LRRTM4: variants seen among roughly 807,000 people sequenced by gnomAD.
The protein encoded by LRRTM4 is leucine rich repeat transmembrane neuronal 4.
In LRRTM4, 25 loss-of-function variants were observed where a neutral mutation model predicts 47.6. The observed-to-expected ratio is 0.53, with a 90% CI of 0.38 to 0.73. LRRTM4 has a LOEUF of 0.73. Among genes scored for constraint, LRRTM4 ranks in the 30% least tolerant of loss-of-function variants. The probability of loss-of-function intolerance (pLI) is 0.00; values close to 1 mark genes in which losing one functional copy is unlikely to be tolerated. For missense variants in LRRTM4, 638 were observed against 713.4 expected (o/e 0.89, Z 1.20); for synonymous variants, 311 against 269.5 (o/e 1.15, Z -1.51).
Position 76,938,609 on chromosome 2 carries a change from C to T in LRRTM4, c.1552-189693G>A, listed in dbSNP as rs562945863. Reference sequence around the variant, plus strand: ...GTGAACAAAATGAGATACTACATTTCAAGTAATTTTCTTTTCATCATTTTT... The same window carrying T: ...GTGAACAAAATGAGATACTACATTTTAAGTAATTTTCTTTTCATCATTTTT... On this transcript the variant is annotated intron_variant, in intron 3 of 3. Coordinates refer to ENST00000409884, the MANE Select transcript of LRRTM4 (RefSeq NM_001134745.3). 3.9e-5 allele frequency among the ~76,000 whole-genome samples: 6 copies of T among 152,116 alleles called. No homozygotes were observed. The East Asian group carries it at 1.2e-3, about 29-fold the overall frequency.
intron 3 of LRRTM4, among the ~76,000 whole-genome samples, chr2:76,849,124 A>G (rs1671919110): frequency 6.6e-6 from 1 of 152,016 alleles, no homozygotes; most frequent in African/African-American, 2.4e-5. Context: ...TCTGGGTTAA[A>G]TGAGAGCACA....
chr2:77,449,092 A>T (rs1282898175), intron 3 of LRRTM4, among the ~76,000 whole-genome samples: 1 of 152,202 alleles, frequency 6.6e-6, no homozygotes, highest in Non-Finnish European at 1.5e-5. Context: ...CTTTAAGTTT[A>T]TATATCCATT....
At chr2:77,438,544 C>T (rs1044364493) in intron 3 of LRRTM4, among the ~76,000 whole-genome samples, 1 of 151,622 alleles carries the variant, frequency 6.6e-6, no homozygotes, top group Non-Finnish European at 1.5e-5. Flanking sequence ...ATAGCTGGGA[C>T]TACAGGCGCC....
chr2:77,075,104 T>C (rs764812718), intron 3 of LRRTM4, among the ~76,000 whole-genome samples: 1 of 152,204 alleles, frequency 6.6e-6, no homozygotes, highest in African/African-American at 2.4e-5. Context: ...TCATCAATAA[T>C]GCTTTCCTAC....
At chr2:76,826,082 A>T (rs559460463) in intron 3 of LRRTM4, among the ~76,000 whole-genome samples, 1 of 151,770 alleles carries the variant, frequency 6.6e-6, no homozygotes, top group Non-Finnish European at 1.5e-5. Context: ...GACAATGAAA[A>T]ATAAGGAAGG....
At chr2:77,028,370 G>A (rs1401095625) in intron 3 of LRRTM4, among the ~76,000 whole-genome samples, 1 of 152,106 alleles carries the variant, frequency 6.6e-6, no homozygotes, top group African/African-American at 2.4e-5. Flanking sequence ...GGATTTCCAG[G>A]AAAAATGTTG....
chr2:76,762,243 T>C (rs753758957), intron 3 of LRRTM4, among the ~76,000 whole-genome samples: 2 of 152,182 alleles, frequency 1.3e-5, no homozygotes, highest in East Asian at 1.9e-4. Flanking sequence ...AAATTGAATA[T>C]CCAGATTGTT....
intron 3 of LRRTM4, among the ~76,000 whole-genome samples, chr2:77,191,422 A>G (rs1673666730): frequency 6.6e-6 from 1 of 152,008 alleles, no homozygotes; most frequent in South Asian, 2.1e-4. Context: ...AATTCTTAAT[A>G]TTTGTTTCTC....
rs546185909 is a variant in LRRTM4 at position 76,820,503 on chromosome 2, T to C, written c.1552-71587A>G. Among the ~76,000 whole-genome samples the C allele has an allele frequency of 3.3e-5, 5 of 151,792 alleles. No individual in the cohort carries two copies. In the South Asian group the frequency reaches 1.0e-3, roughly 31 times the overall value. On this transcript the variant is annotated intron_variant, in intron 3 of 3. Coordinates refer to ENST00000409884, the MANE Select transcript of LRRTM4 (RefSeq NM_001134745.3). ...ATCTAAGATAAATCACTGTTTTCCT[T>C]TTGGTCATAATTTCTGAGAGCTGTA...
intron 3 of LRRTM4, among the ~76,000 whole-genome samples, chr2:77,001,138 T>C (rs1677411283): frequency 6.6e-6 from 1 of 152,146 alleles, no homozygotes; most frequent in Non-Finnish European, 1.5e-5. Context: ...CCCATTGAAG[T>C]GCTGACTTTT....
At chr2:77,346,933 C>A (rs895616546) in intron 3 of LRRTM4, among the ~76,000 whole-genome samples, 12 of 151,990 alleles carry the variant, frequency 7.9e-5, no homozygotes, top group African/African-American at 2.9e-4. Flanking sequence ...GTGTGTGATG[C>A]GACATATTCT....
intron 3 of LRRTM4, among the ~76,000 whole-genome samples, chr2:76,905,631 C>A (rs541957355): frequency 7.4e-6 from 1 of 135,726 alleles, no homozygotes; most frequent in Non-Finnish European, 1.5e-5. Context: ...ACTAGAATAA[C>A]CAATACAGAG....
In LRRTM4 at chr2:76,748,613, G is replaced by A. The variant is rs1672727079; in HGVS notation, c.*82C>T. 4 of 1,113,006 alleles carry A rather than the reference G, an allele frequency of 3.6e-6. No individual in the cohort carries two copies. The highest frequency in any genetic ancestry group is 1.3e-5 in the South Asian group (1 of 74,554). The allele number at this position is 1,113,006 out of a possible 1,614,324, so 68.9% of individuals were successfully genotyped here. On this transcript the variant is annotated 3_prime_UTR_variant, in exon 4 of 4. Coordinates refer to ENST00000409884, the MANE Select transcript of LRRTM4 (RefSeq NM_001134745.3). ...GAACGATGAGCTTGCTCGATTGCGC[G>A]ATTGTGGACACCCATTCTCCTTTAA...
At chr2:77,114,194 A>G (rs985705827) in intron 3 of LRRTM4, among the ~76,000 whole-genome samples, 4 of 152,110 alleles carry the variant, frequency 2.6e-5, no homozygotes, top group South Asian at 4.1e-4. Flanking sequence ...CCAAGGCCCA[A>G]TCACCCCACA....
chr2:76,870,177 T>A (rs1423707122), intron 3 of LRRTM4, among the ~76,000 whole-genome samples: 1 of 152,306 alleles, frequency 6.6e-6, no homozygotes, highest in East Asian at 1.9e-4. Context: ...CCCTCCACTG[T>A]TTCCTGCTTG....
intron 3 of LRRTM4, among the ~76,000 whole-genome samples, chr2:76,806,468 C>A (rs1675972837): frequency 6.6e-6 from 1 of 152,098 alleles, no homozygotes; most frequent in South Asian, 2.1e-4. Flanking sequence ...GTAATCCCAG[C>A]TACTTGGAAG....
intron 3 of LRRTM4, among the ~76,000 whole-genome samples, chr2:77,410,750 G>A (rs1404159897): frequency 1.3e-5 from 2 of 152,124 alleles, no homozygotes; most frequent in Non-Finnish European, 2.9e-5. Context: ...GGTGAAGGGA[G>A]GGTTATTAAA....
chr2:77,438,501 G>T (rs1384314555), intron 3 of LRRTM4, among the ~76,000 whole-genome samples: 1 of 147,548 alleles, frequency 6.8e-6, no homozygotes, highest in Non-Finnish European at 1.5e-5. Flanking sequence ...CCGCCTCCCG[G>T]GTTCACGCCA....
chr2:77,426,246 T>A (rs568221914), intron 3 of LRRTM4, among the ~76,000 whole-genome samples: 22 of 152,298 alleles, frequency 1.4e-4, no homozygotes, highest in African/African-American at 5.1e-4. Flanking sequence ...TTTCACTAAC[T>A]AACACCAATT....
Sources: allele counts gnomAD v4.1 joint callset (sites outside exome capture counted in the v4.1 genomes callset), GRCh38; gene constraint gnomAD v4.1.1; transcripts MANE v1.5; gene names NCBI Gene and HGNC (gene_info 2026-07-23, HGNC 2026-07-21).